SMG7: variants seen among roughly 807,000 people sequenced by gnomAD.
SMG7 encodes the protein SMG7 nonsense mediated mRNA decay factor.
In SMG7, 34 loss-of-function variants were observed where a neutral mutation model predicts 148.2. That is an observed-to-expected ratio of 0.23 (90% CI 0.17 to 0.31). The LOEUF (loss-of-function observed/expected upper bound fraction) is 0.31. Ranked by LOEUF, SMG7 falls within the 10% of genes least tolerant of loss-of-function variation. The pLI is 1.00. For synonymous variants in SMG7, 492 were observed against 515.1 expected, an observed-to-expected ratio of 0.96 and a Z score of 0.61; for missense variants, 1,114 against 1,408.4, an observed-to-expected ratio of 0.79 and a Z score of 3.35.
chr1:183,492,237 T>C (rs1179190931), intron 1 of SMG7, among the ~76,000 whole-genome samples: 2 of 152,270 alleles, frequency 1.3e-5, no homozygotes, highest in Non-Finnish European at 2.9e-5. Context: ...TTTTCTAGTT[T>C]TAAAATTTTC....
intron 3 of SMG7, among the ~76,000 whole-genome samples, chr1:183,516,369 A>T (rs558841070): frequency 6.6e-6 from 1 of 152,336 alleles, no homozygotes; most frequent in East Asian, 1.9e-4. Context: ...TCTTTGTTAA[A>T]CGTGATTCTA....
chr1:183,548,431 G>A (rs137994379), intron 18 of SMG7, among the ~76,000 whole-genome samples: 3 of 152,098 alleles, frequency 2.0e-5, no homozygotes, highest in African/African-American at 7.2e-5. Flanking sequence ...TCCTGTTCCT[G>A]TTCCCTTAGT....
rs763270668 is a variant in SMG7, at chr1:183,544,485, C to T, written c.1975C>T (p.Pro659Ser). The T allele has an allele frequency of 3.1e-6, 5 of 1,613,568 alleles. No individual in the cohort carries two copies. In the South Asian group the frequency reaches 4.4e-5, roughly 14 times the overall value. ...IHHPGAFPPL[P>S]SRPGFPPPTY... Reference sequence around the variant, plus strand: ...TCACCCTGGAGCCTTCCCTCCTCTTCCCAGCAGGCCAGGTAAATATGTTTT... The same window carrying T: ...TCACCCTGGAGCCTTCCCTCCTCTTTCCAGCAGGCCAGGTAAATATGTTTT... The change falls in exon 15 of 23, where the codon CCC (proline) becomes TCC (serine). Residue 659 changes from proline (P) to serine (S), a missense_variant. Around this residue, in one of 4 missense-constraint regions of SMG7, gnomAD observed 788 missense variants for 894.5 expected, o/e 0.88. Coordinates refer to ENST00000688051, the MANE Select transcript of SMG7 (RefSeq NM_001375584.1).
chr1:183,523,116 C>T lies in SMG7; in HGVS notation c.313-3480C>T, dbSNP rs1039459242. Among the ~76,000 whole-genome samples, 8 of 152,072 alleles carry T rather than the reference C, an allele frequency of 5.3e-5. No homozygotes were observed. The East Asian group carries it at 9.6e-4, about 18-fold the overall frequency. On this transcript the variant is annotated intron_variant, in intron 4 of 22. Coordinates refer to ENST00000688051, the MANE Select transcript of SMG7 (RefSeq NM_001375584.1). ...TGTTTTTAAACATCAAAGAACAGAA[C>T]GGTAGCCTTTATTCTAAGAAAATAG... is the stretch of plus-strand genomic sequence containing the variant.
chr1:183,480,140 T>C (rs1167339542), intron 1 of SMG7, among the ~76,000 whole-genome samples: 6 of 152,130 alleles, frequency 3.9e-5, no homozygotes, highest in Admixed American at 2.6e-4. Flanking sequence ...TCCCTTCCTT[T>C]AACTGTACTC....
chr1:183,477,741 CAT>C lies in SMG7; in HGVS notation c.29+5093_29+5094del, dbSNP rs201858720. On this transcript the variant is annotated intron_variant, in intron 1 of 22. Transcript: ENST00000688051. ...GTGCATGTGTATATATGCATATATA[CAT>C]GTGTGTGCATATGTGTGCATATATA... 3.3e-3 allele frequency among the ~76,000 whole-genome samples: 459 copies of C among 140,714 alleles called. 16 individuals are homozygous for C. The highest frequency in any genetic ancestry group is 0.021 in the East Asian group (103 of 4,804). The allele number at this position is 140,714 out of a possible 152,430, so 92.3% of individuals were successfully genotyped here. A position where few individuals can be genotyped will look rare whatever the true frequency, so the allele number is the denominator to read the frequency against.
At chr1:183,516,483 AT>A (rs1196578551) in intron 3 of SMG7, among the ~76,000 whole-genome samples, 5 of 152,176 alleles carry the variant, frequency 3.3e-5, no homozygotes, top group African/African-American at 1.2e-4. Flanking sequence ...AAAATGAAAA[AT>A]TTTGTGTATT....
chr1:183,512,759 T>C (rs1366806141), intron 1 of SMG7, 78 bp from the exon 2 acceptor site: 7 of 1,325,428 alleles, frequency 5.3e-6, no homozygotes, highest in African/African-American at 3.0e-5. Context: ...ACCTAACTTT[T>C]AGTGTTATTT....
chr1:183,514,695 G>A (rs1663062780), intron 2 of SMG7, among the ~76,000 whole-genome samples: 2 of 152,172 alleles, frequency 1.3e-5, no homozygotes, highest in Admixed American at 6.5e-5. Context: ...TTTGAATGAT[G>A]GTCTTGATAG....
intron 1 of SMG7, among the ~76,000 whole-genome samples, chr1:183,503,671 A>G (rs188000722): frequency 1.3e-5 from 2 of 152,326 alleles, no homozygotes; most frequent in East Asian, 3.9e-4. Context: ...GCCAGTCAGT[A>G]ACCAGATTAG....
intron 1 of SMG7, among the ~76,000 whole-genome samples, chr1:183,499,582 A>G (rs983832762): frequency 6.6e-6 from 1 of 152,110 alleles, no homozygotes; most frequent in African/African-American, 2.4e-5. Flanking sequence ...TCATTTTTTA[A>G]TCGAGTTGCT....
chr1:183,497,109 A>G (rs1167530585), intron 1 of SMG7, among the ~76,000 whole-genome samples: 4 of 152,222 alleles, frequency 2.6e-5, no homozygotes, highest in Non-Finnish European at 5.9e-5. Flanking sequence ...AAACTCTTTA[A>G]GAAACTACCA....
In SMG7 at chr1:183,542,066, G is replaced by A. The variant is rs1310264780; in HGVS notation, c.1416-10G>A. ...GTTTTTTATATATGGATTTATTTTTGCTTTTTTAGGCTGATTCAGTGTGAA... is the reference window on the plus strand; with the variant it reads ...GTTTTTTATATATGGATTTATTTTTACTTTTTTAGGCTGATTCAGTGTGAA... On this transcript the variant is annotated splice_polypyrimidine_tract_variant and intron_variant, in intron 13 of 22. Transcript: ENST00000688051. 2 of 1,580,412 alleles carry A rather than the reference G, an allele frequency of 1.3e-6. No individual in the cohort carries two copies. Among genetic ancestry groups the A allele is most frequent in the Non-Finnish European group, 1.7e-6 (2 of 1,165,746 alleles).
intron 1 of SMG7, among the ~76,000 whole-genome samples, chr1:183,474,615 G>A (rs1651670233): frequency 6.6e-6 from 1 of 152,172 alleles, no homozygotes; most frequent in Admixed American, 6.5e-5. Flanking sequence ...AGTGTTTTGA[G>A]TCCAAAGGCA....
At position 183,552,107 on chromosome 1, in the gene SMG7, AAAAG is replaced by A. The variant is rs143068241; in HGVS notation, c.*180_*183del. ...TGCACGAAATGTTCGCAGTGCAACA[AAAAG>A]AAAAATCCATCAGGAACTCTCCGTC... On this transcript the variant is annotated 3_prime_UTR_variant, in exon 23 of 23. Coordinates refer to ENST00000688051, the MANE Select transcript of SMG7 (RefSeq NM_001375584.1). 572 of 1,302,984 alleles carry A rather than the reference AAAAG, an allele frequency of 4.4e-4. 3 individuals carry two copies. In the African/African-American group the frequency reaches 8.0e-3, roughly 18 times the overall value. 80.7% of individuals were successfully genotyped at this position (1,302,984 alleles called of 1,614,324 possible).
intron 1 of SMG7, among the ~76,000 whole-genome samples, chr1:183,504,940 G>T (rs549321968): frequency 6.6e-6 from 1 of 152,164 alleles, no homozygotes; most frequent in Non-Finnish European, 1.5e-5. Context: ...TCCTCTTCCT[G>T]TCTTAATAAT....
At chr1:183,481,548 A>G (rs1055994035) in intron 1 of SMG7, among the ~76,000 whole-genome samples, 3 of 152,176 alleles carry the variant, frequency 2.0e-5, no homozygotes, top group Admixed American at 1.3e-4. Context: ...GTTAAATAAA[A>G]TTGTCATGCT....
At chr1:183,498,657 C>T (rs958116941) in intron 1 of SMG7, among the ~76,000 whole-genome samples, 1 of 152,198 alleles carries the variant, frequency 6.6e-6, no homozygotes, top group Non-Finnish European at 1.5e-5. Context: ...TAGAGATTTC[C>T]CATATACCCC....
chr1:183,495,597 G>C (rs1415892207), intron 1 of SMG7, among the ~76,000 whole-genome samples: 1 of 152,072 alleles, frequency 6.6e-6, no homozygotes, highest in African/African-American at 2.4e-5. Context: ...TGGGCCAAGC[G>C]AGGTGGCTCA....
Sources: allele counts gnomAD v4.1 joint callset (sites outside exome capture counted in the v4.1 genomes callset), GRCh38; gene constraint gnomAD v4.1.1; regional missense constraint gnomAD v4.1.1; transcripts MANE v1.5; gene names NCBI Gene and HGNC (gene_info 2026-07-23, HGNC 2026-07-21).